Variants in WWOX observed in about 807,000 individuals in gnomAD.
The protein encoded by WWOX is WW domain-containing oxidoreductase.
A neutral mutation model predicts 46.2 loss-of-function variants in WWOX; 69 were observed. The observed-to-expected ratio is 1.49, with a 90% CI of 1.23 to 1.82. WWOX has a LOEUF of 1.82. WWOX is among the 40% of genes most tolerant of loss of function. WWOX has a pLI of 0.00. For synonymous variants in WWOX, 359 were observed against 202.6 expected (o/e 1.77, Z -6.56); for missense variants, 919 against 542.6 (o/e 1.69, Z -6.89).
chr16:79,167,418 G>C (rs2050616390), intron 8 of WWOX, among the ~76,000 whole-genome samples: 1 of 152,006 alleles, frequency 6.6e-6, no homozygotes, highest in African/African-American at 2.4e-5. Context: ...TGACACTGAG[G>C]GCTCAGATGG....
At chr16:78,448,865 G>A (rs190474284) in intron 8 of WWOX, among the ~76,000 whole-genome samples, 1 of 152,220 alleles carries the variant, frequency 6.6e-6, no homozygotes, top group African/African-American at 2.4e-5. Flanking sequence ...GCGCTGGTGA[G>A]GGGGCTGTTT....
intron 5 of WWOX, among the ~76,000 whole-genome samples, chr16:78,332,860 A>G (rs963690328): frequency 1.3e-5 from 2 of 152,062 alleles, no homozygotes; most frequent in South Asian, 2.1e-4. Context: ...AAATTGCTTC[A>G]TGTCGCACAG....
chr16:78,338,809 T>C lies in WWOX; in HGVS notation c.517-48051T>C, dbSNP rs930284019. Among the ~76,000 whole-genome samples, 42 of 121,334 alleles carry C rather than the reference T, an allele frequency of 3.5e-4. 10 individuals carry two copies. The highest frequency in any genetic ancestry group is 9.7e-4 in the East Asian group (5 of 5,172). The allele number at this position is 121,334 out of a possible 152,430, so 79.6% of individuals were successfully genotyped here. On this transcript the variant is annotated intron_variant, in intron 5 of 8. Transcript: ENST00000566780. ...ATGTTTTGCTATGCCATTCATTCATTCTATTCTTTTCATTTCTTTTTCTTT... is the reference window on the plus strand; with the variant it reads ...ATGTTTTGCTATGCCATTCATTCATCCTATTCTTTTCATTTCTTTTTCTTT...
intron 8 of WWOX, among the ~76,000 whole-genome samples, chr16:78,639,888 T>C (rs1334292142): frequency 2.6e-5 from 4 of 152,040 alleles, no homozygotes; most frequent in East Asian, 3.9e-4. Context: ...TGTGTGAGGA[T>C]GAAGAGTAAT....
chr16:78,276,229 T>G (rs528557306), intron 5 of WWOX, among the ~76,000 whole-genome samples: 14 of 152,296 alleles, frequency 9.2e-5, no homozygotes, highest in Non-Finnish European at 1.8e-4. Context: ...TCACCAGCTC[T>G]TAGACTTGGG....
At chr16:78,101,580 C>G (rs913718291) in intron 1 of WWOX, among the ~76,000 whole-genome samples, 1 of 152,058 alleles carries the variant, frequency 6.6e-6, no homozygotes, top group African/African-American at 2.4e-5. Flanking sequence ...CTCGGCCCCC[C>G]AAAGTGTTGG....
chr16:78,465,440 G>C (rs924668697), intron 8 of WWOX, among the ~76,000 whole-genome samples: 2 of 152,142 alleles, frequency 1.3e-5, no homozygotes, highest in African/African-American at 2.4e-5. Flanking sequence ...TCGGCCTCCC[G>C]AAGTGCTGGG....
At chr16:78,846,151 G>C (rs1259267982) in intron 8 of WWOX, among the ~76,000 whole-genome samples, 2 of 152,090 alleles carry the variant, frequency 1.3e-5, no homozygotes, top group Non-Finnish European at 2.9e-5. Context: ...TTTAAATTTT[G>C]AAATAAATGT....
At chr16:79,071,302 T>G (rs773248870) in intron 8 of WWOX, among the ~76,000 whole-genome samples, 33 of 152,180 alleles carry the variant, frequency 2.2e-4, no homozygotes, top group Non-Finnish European at 4.7e-4. Flanking sequence ...TTGTCTTAAT[T>G]TGGAGAAAAC....
At chr16:78,935,059 A>G (rs946064154) in intron 8 of WWOX, among the ~76,000 whole-genome samples, 6 of 152,216 alleles carry the variant, frequency 3.9e-5, no homozygotes, top group African/African-American at 1.4e-4. Flanking sequence ...ATGAGATACC[A>G]TCTCACACCA....
chr16:79,143,109 A>T (rs1298358809), intron 8 of WWOX, among the ~76,000 whole-genome samples: 1 of 152,200 alleles, frequency 6.6e-6, no homozygotes, highest in Non-Finnish European at 1.5e-5. Context: ...CTTTGAAAAA[A>T]AAGTTTAAGG....
chr16:78,427,368 A>G (rs1019253684), intron 7 of WWOX, among the ~76,000 whole-genome samples: 10 of 152,196 alleles, frequency 6.6e-5, no homozygotes, highest in Non-Finnish European at 1.3e-4. Context: ...CCTAAAATAC[A>G]TCATAGTGAA....
At chr16:78,597,830 TTTC>T (rs1377756084) in intron 8 of WWOX, among the ~76,000 whole-genome samples, 1 of 151,632 alleles carries the variant, frequency 6.6e-6, no homozygotes, top group Non-Finnish European at 1.5e-5. Flanking sequence ...CCACTTTTTT[TTTC>T]TTTTTTAAAT....
intron 5 of WWOX, among the ~76,000 whole-genome samples, chr16:78,185,290 C>T (rs1047460005): frequency 2.0e-5 from 3 of 152,166 alleles, no homozygotes; most frequent in African/African-American, 7.2e-5. Context: ...TTTAATGCAA[C>T]ATGGAATCAG....
intron 8 of WWOX, among the ~76,000 whole-genome samples, chr16:79,091,779 G>GTTTTTTTTTTTTTTTTTTTTT (rs11329411): frequency 9.2e-6 from 1 of 109,130 alleles, no homozygotes; most frequent in African/African-American, 3.7e-5. Context: ...TCTTTTCTTT[G>GTTTTTTTTTTTTTTTTTTTTT]TTTTTTTTTT....
At chr16:78,667,750 T>G (rs761572727) in intron 8 of WWOX, among the ~76,000 whole-genome samples, 11 of 152,044 alleles carry the variant, frequency 7.2e-5, no homozygotes, top group Admixed American at 5.9e-4. Flanking sequence ...TGCTCATTGT[T>G]CAAATGAACT....
chr16:78,468,310 C>T (rs1439125227), intron 8 of WWOX, among the ~76,000 whole-genome samples: 1 of 148,546 alleles, frequency 6.7e-6, no homozygotes, highest in Non-Finnish European at 1.5e-5. Context: ...GAACACTGTA[C>T]TCCAGACTGT....
chr16:78,413,902 TCTGAGCCCAAG>T (rs2082737558), intron 6 of WWOX, among the ~76,000 whole-genome samples: 1 of 151,308 alleles, frequency 6.6e-6, no homozygotes, highest in African/African-American at 2.4e-5. Context: ...TTGTCAGGCC[TCTGAGCCCAAG>T]CTGAGCCGTC....
At chr16:78,942,480 G>C (rs957861983) in intron 8 of WWOX, among the ~76,000 whole-genome samples, 1 of 152,148 alleles carries the variant, frequency 6.6e-6, no homozygotes, top group African/African-American at 2.4e-5. Flanking sequence ...ATCATAAGAA[G>C]AAGACAGAAG....
Sources: allele counts gnomAD v4.1 joint callset (sites outside exome capture counted in the v4.1 genomes callset), GRCh38; gene constraint gnomAD v4.1.1; transcripts MANE v1.5; gene names NCBI Gene and HGNC (gene_info 2026-07-23, HGNC 2026-07-21).